Variants in NSUN2 observed in about 807,000 individuals in gnomAD.
The protein encoded by NSUN2 is RNA cytosine C(5)-methyltransferase NSUN2.
In NSUN2, 63 loss-of-function variants were observed where a neutral mutation model predicts 92.7. The observed-to-expected ratio is 0.68, with a 90% CI of 0.56 to 0.84. NSUN2 has a LOEUF of 0.84. Ranked by LOEUF, NSUN2 falls within the 40% of genes least tolerant of loss-of-function variation. NSUN2 has a pLI of 0.00. For missense variants in NSUN2, 989 were observed against 964.9 expected, an observed-to-expected ratio of 1.02 and a Z score of -0.33; for synonymous variants, 356 against 348.3, an observed-to-expected ratio of 1.02 and a Z score of -0.25.
chr5:6,609,893 G>A lies in NSUN2; in HGVS notation c.1256C>T (p.Thr419Ile), dbSNP rs1214550443. ...CLRILPHHQN[T>I]GGFFVAVLVK... Reference sequence around the variant, plus strand: ...CAATACTGCCACAAAAAACCCTCCAGTATTCTGATGATGGGGTAATATCCT... The same window carrying A: ...CAATACTGCCACAAAAAACCCTCCAATATTCTGATGATGGGGTAATATCCT... The change falls in exon 12 of 19, where the codon ACT becomes ATT. Residue 419 changes from threonine to isoleucine, a missense_variant. Physicochemically the swap from Thr to Ile is moderately conservative, Grantham distance 89. Around this residue, in one of 3 missense-constraint regions of NSUN2, gnomAD observed 626 missense variants for 602.3 expected, o/e 1.04. Coordinates refer to ENST00000264670, the MANE Select transcript of NSUN2 (RefSeq NM_017755.6). The A allele has an allele frequency of 6.2e-7, 1 of 1,613,248 alleles. No homozygotes were observed.
intron 5 of NSUN2, among the ~76,000 whole-genome samples, chr5:6,622,518 T>G (rs1385997929): frequency 6.6e-6 from 1 of 152,032 alleles, no homozygotes; most frequent in Admixed American, 6.5e-5. Flanking sequence ...CCTTAGAGGG[T>G]TGTGTGAATG....
chr5:6,611,014 T>C lies in NSUN2; in HGVS notation c.1167A>G (p.Arg389=). The C allele has an allele frequency of 6.2e-7, 1 of 1,614,138 alleles. No homozygotes were observed. The highest frequency in any genetic ancestry group is 8.5e-7 in the Non-Finnish European group (1 of 1,180,032). Residue 389 remains arginine, a synonymous_variant, in exon 11 of 19, where the codon CGA becomes CGG. Coordinates refer to ENST00000264670, the MANE Select transcript of NSUN2 (RefSeq NM_017755.6). Reference sequence around the variant, plus strand: ...GGTCCTTCGGAGGGAACATGGTAGGTCGGATCTGGGTGTGTCTGCTGTGAG... The same window carrying C: ...GGTCCTTCGGAGGGAACATGGTAGGCCGGATCTGGGTGTGTCTGCTGTGAG... ...AVPHSRHTQI[R]PTMFPPKDPE... is the part of the protein sequence containing the mutation.
chr5:6,609,469 T>C (rs566945267), intron 12 of NSUN2, among the ~76,000 whole-genome samples: 12 of 152,268 alleles, frequency 7.9e-5, no homozygotes, highest in Admixed American at 6.5e-4. Flanking sequence ...CTATCTGTAA[T>C]TGGTGAAATG....
At chr5:6,611,698 G>A (rs1737000390) in intron 10 of NSUN2, 27 bp downstream of exon 10, 19 of 1,605,060 alleles carry the variant, frequency 1.2e-5, no homozygotes, top group Admixed American at 1.0e-4. Context: ...CTACTCTTTA[G>A]AATGAAAGTT....
chr5:6,620,437 T>C (rs1737389844), intron 6 of NSUN2, 139 bp from the exon 7 acceptor site: 1 of 589,980 alleles, frequency 1.7e-6, no homozygotes, highest in Admixed American at 3.7e-5. Context: ...TTTTCCAGAA[T>C]TACGTTAAGT....
rs111682134 is a variant in NSUN2, at chr5:6,610,127, G to A, written c.1227-205C>T. Among the ~76,000 whole-genome samples the A allele has an allele frequency of 6.9e-3, 1,049 of 151,174 alleles. 8 individuals carry two copies. Among genetic ancestry groups the A allele is most frequent in the African/African-American group, 0.025 (1,014 of 41,140 alleles). On this transcript the variant is annotated intron_variant, in intron 11 of 18. Transcript: ENST00000264670. ...TGCCTAGGCTGGAGTGCAGTGGTGT[G>A]ATCTCAACCCACTGTAGCCTCCGCC...
chr5:6,605,527 G>A, intron 14 of NSUN2, 119 bp from the exon 15 acceptor site: 2 of 1,013,470 alleles, frequency 2.0e-6, no homozygotes, highest in Non-Finnish European at 1.5e-6. Flanking sequence ...TGGTTCAAGG[G>A]CACTGGGCTC....
chr5:6,626,321 TTTTTA>T (rs1353039663), intron 3 of NSUN2, among the ~76,000 whole-genome samples: 1 of 151,800 alleles, frequency 6.6e-6, no homozygotes, highest in Non-Finnish European at 1.5e-5. Flanking sequence ...ATCAATGTTA[TTTTTA>T]TTTTTTTTAT....
chr5:6,632,973 G>T lies in NSUN2; in HGVS notation c.7C>A (p.Arg3=). 1.4e-6 allele frequency: 2 copies of T among 1,472,544 alleles called. No individual in the cohort carries two copies. Among genetic ancestry groups the T allele is most frequent in the Non-Finnish European group, 1.8e-6 (2 of 1,121,956 alleles). The allele number at this position is 1,472,544 out of a possible 1,614,324, so 91.2% of individuals were successfully genotyped here. MG[R]RSRGRRLQQQ... is the part of the protein sequence containing the mutation. ...TGGAGCCGCCGACCCCGCGACCGCCGCCCCATAGCCCACGCGGCCGCGCAC... is the reference window on the plus strand; with the variant it reads ...TGGAGCCGCCGACCCCGCGACCGCCTCCCCATAGCCCACGCGGCCGCGCAC... The change falls in exon 1 of 19, where the codon CGG becomes AGG. Residue 3 remains arginine (R), a synonymous_variant. Coordinates refer to ENST00000264670, the MANE Select transcript of NSUN2 (RefSeq NM_017755.6).
chr5:6,604,962 C>T (rs553938063), intron 15 of NSUN2: 24 of 594,550 alleles, frequency 4.0e-5, no homozygotes, highest in Non-Finnish European at 6.2e-5. Flanking sequence ...CAGCAGTACT[C>T]GCAGCCTCTA....
At chr5:6,623,101 AAAG>A in intron 5 of NSUN2, 110 bp downstream of exon 5, 1 of 811,964 alleles carries the variant, frequency 1.2e-6, no homozygotes, top group Non-Finnish European at 1.9e-6. Flanking sequence ...TCCAAAGTGA[AAAG>A]AAGAAAAAAA....
At chr5:6,614,095 GAAAAAAAAAA>G (rs70937111) in intron 9 of NSUN2, among the ~76,000 whole-genome samples, 1 of 34,654 alleles carries the variant, frequency 2.9e-5, no homozygotes. Context: ...GACTGTCTCG[GAAAAAAAAAA>G]AAAAAAAAAA....
rs375926964 is a variant in NSUN2 at position 6,620,157 on chromosome 5, C to T, written c.764G>A (p.Gly255Asp). ...SIPRLQIDVD[G>D]RKEILFYDRI... Reference sequence around the variant, plus strand: ...ATCATAGAAGAGGATCTCTTTCCTGCCGTCCACATCTATCTGGAGCCTGGG... The same window carrying T: ...ATCATAGAAGAGGATCTCTTTCCTGTCGTCCACATCTATCTGGAGCCTGGG... The change falls in exon 7 of 19, where the codon GGC (glycine) becomes GAC (aspartate). Residue 255 changes from glycine to aspartate, a missense_variant. By Grantham distance (94) the Gly-to-Asp change is moderately conservative. Around this residue, in one of 3 missense-constraint regions of NSUN2, gnomAD observed 356 missense variants for 338.6 expected, o/e 1.05. Coordinates refer to ENST00000264670, the MANE Select transcript of NSUN2 (RefSeq NM_017755.6). 10 of 1,610,208 alleles carry T rather than the reference C, an allele frequency of 6.2e-6. No homozygotes were observed. The highest frequency in any genetic ancestry group is 1.1e-5 in the South Asian group (1 of 90,428).
chr5:6,626,001 A>G (rs1421811737), intron 3 of NSUN2, among the ~76,000 whole-genome samples: 1 of 152,262 alleles, frequency 6.6e-6, no homozygotes. Flanking sequence ...ATAAGGTAAC[A>G]ATGGTAAGGT....
chr5:6,606,261 T>C (rs565512934), intron 14 of NSUN2, among the ~76,000 whole-genome samples: 1 of 152,260 alleles, frequency 6.6e-6, no homozygotes, highest in Admixed American at 6.5e-5. Flanking sequence ...CACAACTAAT[T>C]TAGATTCATA....
In NSUN2 at chr5:6,632,813, G is replaced by A. The variant is rs982718231; in HGVS notation, c.97-57C>T. The A allele has an allele frequency of 9.6e-6, 15 of 1,570,372 alleles. 1 individual carries two copies. In the South Asian group the frequency reaches 1.7e-4, roughly 18 times the overall value. ...CCCAAGGAGCCGCCCCCTCGCCGCC[G>A]CCTCGCAGGCCTCGGGGTCCGGGAA... On this transcript the variant is annotated intron_variant, in intron 1 of 18. Transcript: ENST00000264670.
At chr5:6,631,269 G>A (rs1002854858) in intron 3 of NSUN2, among the ~76,000 whole-genome samples, 1 of 152,122 alleles carries the variant, frequency 6.6e-6, no homozygotes, top group African/African-American at 2.4e-5. Context: ...ATCAGCACAA[G>A]GGATCACCTT....
At chr5:6,611,467 C>CAAAAAAAAAAAAAAAAAAAAAAAAAA (rs1553997593) in intron 10 of NSUN2, among the ~76,000 whole-genome samples, 10 of 64,862 alleles carry the variant, frequency 1.5e-4, no homozygotes, top group Middle Eastern at 8.5e-3. Context: ...AAAAAAAAAG[C>CAAAAAAAAAAAAAAAAAAAAAAAAAA]AAAGCTACCC....
At position 6,623,343 on chromosome 5, in the gene NSUN2, T is replaced by G. The variant is rs527585850; in HGVS notation, c.466-58A>C. 5 of 1,413,492 alleles carry G rather than the reference T, an allele frequency of 3.5e-6. No individual in the cohort carries two copies. The East Asian group carries it at 9.4e-5, about 27-fold the overall frequency. The allele number at this position is 1,413,492 out of a possible 1,614,324, so 87.6% of individuals were successfully genotyped here. On this transcript the variant is annotated intron_variant, in intron 4 of 18. Coordinates refer to ENST00000264670, the MANE Select transcript of NSUN2 (RefSeq NM_017755.6). ...GGAAAAAAAAAAAAACCGCAGACAATTTCAATCTTTGGCATTGTTTCAAAG... is the reference window on the plus strand; with the variant it reads ...GGAAAAAAAAAAAAACCGCAGACAAGTTCAATCTTTGGCATTGTTTCAAAG...
Sources: gnomAD v4.1 joint callset for allele counts (sites outside exome capture counted in the v4.1 genomes callset) on GRCh38, gnomAD v4.1.1 for gene constraint, gnomAD v4.1.1 regional missense constraint, MANE v1.5 for transcripts, NCBI Gene and HGNC (gene_info 2026-07-23, HGNC 2026-07-21) for gene names.